Variants in NRXN3 observed in about 807,000 individuals in gnomAD.
NRXN3 encodes neurexin III.
NRXN3 carries 32 observed loss-of-function variants against 137.6 expected under a neutral mutation model. The ratio of observed to expected loss-of-function variants is 0.23; its 90% CI spans 0.18 to 0.31. NRXN3 has a LOEUF of 0.31. Among genes scored for constraint, NRXN3 ranks in the 10% least tolerant of loss-of-function variants. The probability of loss-of-function intolerance (pLI) is 1.00; values close to 1 mark genes in which losing one functional copy is unlikely to be tolerated. For missense variants in NRXN3, 1,574 were observed against 2,062.5 expected, an observed-to-expected ratio of 0.76 and a Z score of 4.59; for synonymous variants, 798 against 784.5, an observed-to-expected ratio of 1.02 and a Z score of -0.29.
At chr14:79,130,745 G>A (rs2057343346) in intron 15 of NRXN3, among the ~76,000 whole-genome samples, 1 of 152,194 alleles carries the variant, frequency 6.6e-6, no homozygotes, top group Non-Finnish European at 1.5e-5. Context: ...GATTGGGGAA[G>A]TTTTCCTGGA....
intron 8 of NRXN3, among the ~76,000 whole-genome samples, chr14:78,718,117 A>G (rs189716997): frequency 1.6e-3 from 250 of 152,320 alleles, no homozygotes; most frequent in Non-Finnish European, 2.6e-3. Flanking sequence ...ACATCAACAC[A>G]ATCACTCAGT....
At chr14:78,899,309 T>A in intron 10 of NRXN3, among the ~76,000 whole-genome samples, 1 of 151,998 alleles carries the variant, frequency 6.6e-6, no homozygotes, top group Non-Finnish European at 1.5e-5. Context: ...CACATATGAT[T>A]GGGAGCCTTG....
At chr14:78,880,456 T>C (rs1398882673) in intron 10 of NRXN3, among the ~76,000 whole-genome samples, 1 of 151,872 alleles carries the variant, frequency 6.6e-6, no homozygotes. Flanking sequence ...ATCTGAAAAG[T>C]TCAGTAGTGA....
intron 1 of NRXN3, among the ~76,000 whole-genome samples, chr14:78,196,343 C>G (rs909500115): frequency 1.3e-5 from 2 of 152,172 alleles, no homozygotes; most frequent in Non-Finnish European, 2.9e-5. Context: ...CACTGAGCAC[C>G]TGTTATAGGT....
chr14:79,779,763 G>A (rs1003510678), intron 19 of NRXN3, among the ~76,000 whole-genome samples: 1 of 152,194 alleles, frequency 6.6e-6, no homozygotes, highest in Non-Finnish European at 1.5e-5. Context: ...ATCTTGAGCT[G>A]TTGGTCAAGA....
chr14:78,734,879 C>A (rs1270309211), intron 8 of NRXN3, among the ~76,000 whole-genome samples: 3 of 152,092 alleles, frequency 2.0e-5, no homozygotes, highest in Non-Finnish European at 4.4e-5. Context: ...CATGTCATCA[C>A]CTACTGGTAG....
intron 4 of NRXN3, among the ~76,000 whole-genome samples, chr14:78,455,114 T>C (rs2094654945): frequency 6.6e-6 from 1 of 152,234 alleles, no homozygotes; most frequent in Admixed American, 6.5e-5. Flanking sequence ...GCCCATCTCA[T>C]AAGAGGAGCA....
intron 8 of NRXN3, among the ~76,000 whole-genome samples, chr14:78,759,296 T>C (rs1316897913): frequency 2.0e-5 from 3 of 152,180 alleles, no homozygotes; most frequent in Non-Finnish European, 1.5e-5. Context: ...ACGACAAACA[T>C]TAAGTCAGCT....
intron 15 of NRXN3, among the ~76,000 whole-genome samples, chr14:79,015,018 T>C (rs1350243175): frequency 1.3e-5 from 2 of 152,178 alleles, no homozygotes; most frequent in African/African-American, 4.8e-5. Flanking sequence ...CCACATCCAC[T>C]GTCAATGCCT....
chr14:79,772,415 G>A (rs1272874252), intron 19 of NRXN3, among the ~76,000 whole-genome samples: 1 of 152,066 alleles, frequency 6.6e-6, no homozygotes, highest in Non-Finnish European at 1.5e-5. Context: ...CATGGTACTG[G>A]TACCAAAACA....
At chr14:79,839,906 A>T (rs1206954004) in intron 20 of NRXN3, among the ~76,000 whole-genome samples, 1 of 152,230 alleles carries the variant, frequency 6.6e-6, no homozygotes, top group Non-Finnish European at 1.5e-5. Flanking sequence ...CATATTAGAA[A>T]CTGATAGAAA....
chr14:79,060,478 T>G (rs2099672826), intron 15 of NRXN3, among the ~76,000 whole-genome samples: 1 of 152,210 alleles, frequency 6.6e-6, no homozygotes, highest in South Asian at 2.1e-4. Context: ...TCTCCATCTC[T>G]ATTCCTATGA....
chr14:79,763,280 T>C (rs2099044889), intron 19 of NRXN3, among the ~76,000 whole-genome samples: 1 of 151,714 alleles, frequency 6.6e-6, no homozygotes, highest in Non-Finnish European at 1.5e-5. Flanking sequence ...CTGATTGGCA[T>C]TTGGATTGGT....
At chr14:79,702,901 A>ATGTC (rs1555644335) in intron 19 of NRXN3, among the ~76,000 whole-genome samples, 1 of 49,130 alleles carries the variant, frequency 2.0e-5, no homozygotes, top group Non-Finnish European at 3.7e-5. Context: ...CTTTTACCTT[A>ATGTC]TGTCTCCATC....
At chr14:78,758,560 A>G (rs1329253731) in intron 8 of NRXN3, among the ~76,000 whole-genome samples, 4 of 152,198 alleles carry the variant, frequency 2.6e-5, no homozygotes, top group South Asian at 2.1e-4. Context: ...GGACTTGAGC[A>G]TTATCTGCAA....
intron 10 of NRXN3, among the ~76,000 whole-genome samples, chr14:78,893,814 G>A (rs1037041138): frequency 2.0e-5 from 3 of 151,876 alleles, no homozygotes; most frequent in African/African-American, 4.8e-5. Flanking sequence ...GATATTGTGG[G>A]TGCAGTTCCA....
At chr14:79,131,642 C>T (rs1343021556) in intron 15 of NRXN3, among the ~76,000 whole-genome samples, 4 of 152,144 alleles carry the variant, frequency 2.6e-5, no homozygotes, top group Admixed American at 6.5e-5. Flanking sequence ...TTTGTCTGTG[C>T]CCTGCCCCCA....
chr14:78,332,644 G>T (rs1466459044), intron 4 of NRXN3, among the ~76,000 whole-genome samples: 1 of 152,044 alleles, frequency 6.6e-6, no homozygotes, highest in African/African-American at 2.4e-5. Flanking sequence ...CTGTCACACT[G>T]CCCCCTTCCA....
chr14:78,813,136 A>G (rs1338385219), intron 10 of NRXN3, among the ~76,000 whole-genome samples: 5 of 152,210 alleles, frequency 3.3e-5, no homozygotes, highest in Non-Finnish European at 7.3e-5. Flanking sequence ...AATCTTTAAG[A>G]AAAAAACATA....
Sources: allele counts gnomAD v4.1 joint callset (sites outside exome capture counted in the v4.1 genomes callset), GRCh38; gene constraint gnomAD v4.1.1; transcripts MANE v1.5; gene names NCBI Gene and HGNC (gene_info 2026-07-23, HGNC 2026-07-21).